THRAP3: variants seen among roughly 807,000 people sequenced by gnomAD.
THRAP3 encodes thyroid hormone receptor associated protein 3.
Under a neutral mutation model 101.0 loss-of-function variants are expected in THRAP3, and 16 were observed. The observed-to-expected ratio is 0.16, with a 90% CI of 0.11 to 0.24. The LOEUF is 0.24. Ranked by LOEUF, THRAP3 falls within the 10% of genes least tolerant of loss-of-function variation. The pLI is 1.00. For synonymous variants in THRAP3, 407 were observed against 422.6 expected (o/e 0.96, Z 0.45); for missense variants, 989 against 1,202.7 (o/e 0.82, Z 2.63).
intron 1 of THRAP3, among the ~76,000 whole-genome samples, chr1:36,242,722 A>G (rs190365636): frequency 8.5e-4 from 129 of 152,244 alleles, no homozygotes; most frequent in African/African-American, 3.0e-3. Flanking sequence ...AAGTGCTGGG[A>G]TTACAGGCGT....
chr1:36,227,803 T>C (rs534829214), intron 1 of THRAP3, among the ~76,000 whole-genome samples: 1 of 152,300 alleles, frequency 6.6e-6, no homozygotes, highest in African/African-American at 2.4e-5. Flanking sequence ...GCCATGATCA[T>C]GACACTGCAT....
intron 11 of THRAP3, among the ~76,000 whole-genome samples, chr1:36,302,510 T>C (rs938865867): frequency 2.0e-5 from 3 of 152,152 alleles, no homozygotes; most frequent in Non-Finnish European, 4.4e-5. Flanking sequence ...CCGGGTTAGG[T>C]GCTGGAGTGG....
At chr1:36,275,116 T>TACACACACACACAC (rs142851565) in intron 2 of THRAP3, among the ~76,000 whole-genome samples, 1 of 139,478 alleles carries the variant, frequency 7.2e-6, no homozygotes, top group African/African-American at 2.7e-5. Flanking sequence ...TACTAAAAAA[T>TACACACACACACAC]ACACACACAC....
chr1:36,267,056 G>A (rs1021558566), intron 2 of THRAP3, among the ~76,000 whole-genome samples: 2 of 151,950 alleles, frequency 1.3e-5, no homozygotes, highest in African/African-American at 4.8e-5. Flanking sequence ...AAATTTTTTT[G>A]TATTTTTAGT....
chr1:36,249,681 G>GGTGTGTGTGTGT (rs1160103598), intron 1 of THRAP3, among the ~76,000 whole-genome samples: 2 of 41,052 alleles, frequency 4.9e-5, no homozygotes, highest in Admixed American at 6.1e-4. Context: ...CGAAGCAGGT[G>GGTGTGTGTGTGT]GTGAGTGTGT....
intron 2 of THRAP3, among the ~76,000 whole-genome samples, chr1:36,265,835 C>T (rs982550686): frequency 6.6e-6 from 1 of 151,852 alleles, no homozygotes; most frequent in Admixed American, 6.6e-5. Flanking sequence ...CCCTTTGCCC[C>T]CTACCCCCTA....
Position 36,265,102 on chromosome 1 carries a change from T to C in THRAP3, c.-32+5618T>C, listed in dbSNP as rs79014902. On this transcript the variant is annotated intron_variant, in intron 2 of 11. Transcript: ENST00000354618. ...GTACTAGGGGTTAGGACTTCCCATA[T>C]ATGATTTGGATGGGTAGATGGGTCA... Among the ~76,000 whole-genome samples, 53 of 152,322 alleles carry C rather than the reference T, an allele frequency of 3.5e-4. 1 individual carries two copies. The East Asian group carries it at 0.01, about 29-fold the overall frequency.
At chr1:36,214,888 TAAAA>T in the THRAP3 span, among the ~76,000 whole-genome samples, 2 of 147,126 alleles carry the variant, frequency 1.4e-5, no homozygotes, top group East Asian at 4.1e-4. Context: ...AAAATAAAAA[TAAAA>T]AAGGAAATGA....
chr1:36,211,037 C>A, the THRAP3 span, among the ~76,000 whole-genome samples: 2 of 150,376 alleles, frequency 1.3e-5, no homozygotes, highest in Non-Finnish European at 3.0e-5. Context: ...CAAAGTGAGA[C>A]CCTCTCTCCA....
Position 36,239,459 on chromosome 1 carries a change from G to GT in THRAP3, c.-135+14957dup, listed in dbSNP as rs1645129744. ...TTTTTGTGTTTTTAGTAGAGACGAG[G>GT]TTTCACCATGTTGCCCAGATTGGTC... On this transcript the variant is annotated intron_variant, in intron 1 of 11. Coordinates refer to ENST00000354618, the MANE Select transcript of THRAP3 (RefSeq NM_005119.4). Among the ~76,000 whole-genome samples the GT allele has an allele frequency of 2.0e-5, 3 of 152,076 alleles. No individual in the cohort carries two copies. The South Asian group carries it at 6.2e-4, about 31-fold the overall frequency.
intron 1 of THRAP3, among the ~76,000 whole-genome samples, chr1:36,233,659 A>G (rs1230462574): frequency 6.6e-6 from 1 of 152,136 alleles, no homozygotes; most frequent in African/African-American, 2.4e-5. Flanking sequence ...CCAGCTACTT[A>G]GGGGGCTGAG....
chr1:36,289,884 C>A, intron 5 of THRAP3, 120 bp downstream of exon 5: 4 of 1,338,290 alleles, frequency 3.0e-6, no homozygotes, highest in Non-Finnish European at 4.0e-6. Flanking sequence ...AGTGGTGATA[C>A]TTTCATGTCC....
chr1:36,222,564 G>A (rs749857497), upstream of THRAP3, among the ~76,000 whole-genome samples: 4 of 151,934 alleles, frequency 2.6e-5, no homozygotes, highest in East Asian at 1.9e-4. Flanking sequence ...CCACCACCAC[G>A]CCCGGCTAAT....
chr1:36,286,605 A>G lies in THRAP3; in HGVS notation c.375A>G (p.Ser125=). The G allele has an allele frequency of 6.2e-7, 1 of 1,614,180 alleles. No homozygotes were observed. The highest frequency in any genetic ancestry group is 8.5e-7 in the Non-Finnish European group (1 of 1,180,034). ...CATACAGTCCTCGTCGAGGCCGTTC[A>G]AGATCCCGGTCCCCAAAGAGAAGGT... The part of the protein sequence containing the change: ...RQAYSPRRGR[S]RSRSPKRRSP... Residue 125 remains serine, a synonymous_variant, in exon 4 of 12, where the codon TCA becomes TCG. Coordinates refer to ENST00000354618, the MANE Select transcript of THRAP3 (RefSeq NM_005119.4). The surrounding 1 kb of genome is among the most constrained non-coding windows in gnomAD (Gnocchi z 5.5).
At chr1:36,229,520 A>G (rs1177625249) in intron 1 of THRAP3, among the ~76,000 whole-genome samples, 2 of 150,588 alleles carry the variant, frequency 1.3e-5, no homozygotes, top group African/African-American at 2.5e-5. Context: ...TTTTGCTCAT[A>G]GTGAGGAAGC....
At chr1:36,262,707 C>T (rs1159792072) in intron 2 of THRAP3, among the ~76,000 whole-genome samples, 1 of 152,014 alleles carries the variant, frequency 6.6e-6, no homozygotes, top group Non-Finnish European at 1.5e-5. Context: ...TTTTAAAGTT[C>T]TGTAGGTGAT....
At chr1:36,288,651 A>G (rs1343431947) in intron 4 of THRAP3, 3 of 985,366 alleles carry the variant, frequency 3.0e-6, no homozygotes, top group Non-Finnish European at 2.4e-6. Flanking sequence ...AAACAGTCCA[A>G]GGTTGAACAT....
chr1:36,300,765 C>T (rs539344893), intron 9 of THRAP3, 121 bp from the exon 10 acceptor site: 8 of 945,740 alleles, frequency 8.5e-6, no homozygotes, highest in South Asian at 1.6e-5. Context: ...TAAGGTTACT[C>T]ATCATCAGTT....
intron 1 of THRAP3, among the ~76,000 whole-genome samples, chr1:36,246,704 T>C (rs188264544): frequency 5.3e-4 from 80 of 150,986 alleles, no homozygotes; most frequent in African/African-American, 1.9e-3. Context: ...TAGCCGGGAG[T>C]GGTGGCCGGC....
Sources: gnomAD v4.1 joint callset for allele counts (sites outside exome capture counted in the v4.1 genomes callset) on GRCh38, gnomAD v4.1.1 for gene constraint, Gnocchi (gnomAD v3.1) non-coding constraint, MANE v1.5 for transcripts, NCBI Gene and HGNC (gene_info 2026-07-23, HGNC 2026-07-21) for gene names.